Variants in CNTN3 observed in about 807,000 individuals in gnomAD.
The protein encoded by CNTN3 is contactin-3.
In CNTN3, 60 loss-of-function variants were observed where a neutral mutation model predicts 119.1. The observed-to-expected ratio is 0.50, with a 90% CI of 0.41 to 0.62. The LOEUF (loss-of-function observed/expected upper bound fraction) is 0.62. Among genes scored for constraint, CNTN3 ranks in the 20% least tolerant of loss-of-function variants. The pLI, the probability that CNTN3 is intolerant of heterozygous loss-of-function variation, is 0.00. For synonymous variants in CNTN3, 450 were observed against 438.7 expected, an observed-to-expected ratio of 1.03 and a Z score of -0.32; for missense variants, 1,101 against 1,242.4, an observed-to-expected ratio of 0.89 and a Z score of 1.71.
intron 20 of CNTN3, among the ~76,000 whole-genome samples, chr3:74,268,240 G>A (rs1250051403): frequency 1.3e-5 from 2 of 152,062 alleles, no homozygotes; most frequent in Non-Finnish European, 2.9e-5. Context: ...GATAGTATTT[G>A]TCAATAGCAA....
At chr3:74,296,668 T>C (rs1702343706) in intron 18 of CNTN3, among the ~76,000 whole-genome samples, 1 of 152,228 alleles carries the variant, frequency 6.6e-6, no homozygotes, top group Non-Finnish European at 1.5e-5. Context: ...CTCAGAATGG[T>C]TAAGGGCAAA....
chr3:74,338,503 T>A (rs1703454987), intron 11 of CNTN3, among the ~76,000 whole-genome samples: 1 of 151,228 alleles, frequency 6.6e-6, no homozygotes, highest in Non-Finnish European at 1.5e-5. Flanking sequence ...TGCGTGTGTG[T>A]GTGTATACAC....
chr3:74,563,695 T>C (rs1021423930), intron 1 of CNTN3, among the ~76,000 whole-genome samples: 4 of 152,140 alleles, frequency 2.6e-5, no homozygotes, highest in Admixed American at 6.6e-5. Flanking sequence ...GGGAAGCTTA[T>C]GGCACAAAGA....
Position 74,539,114 on chromosome 3 carries a change from T to C in CNTN3, c.-80-17922A>G, listed in dbSNP as rs114185412. ...GCTAAGATATTTTCTTTCCACCCTA[T>C]GGTCTCCCACAGACCTGGATCTGAT... On this transcript the variant is annotated intron_variant, in intron 1 of 22. Transcript: ENST00000263665. Among the ~76,000 whole-genome samples, 652 of 152,212 alleles carry C rather than the reference T, an allele frequency of 4.3e-3. 6 individuals are homozygous for C. Among genetic ancestry groups the C allele is most frequent in the African/African-American group, 0.015 (621 of 41,544 alleles).
In CNTN3 at chr3:74,489,377, G is replaced by A. The variant is rs143893791; in HGVS notation, c.183-2746C>T. On this transcript the variant is annotated intron_variant, in intron 3 of 22. Coordinates refer to ENST00000263665, the MANE Select transcript of CNTN3 (RefSeq NM_020872.3). ...TTAGCCTATTTCATATTCAACAACCGATTAGAAAGCCCTTCCCTCCCTCCT... is the reference window on the plus strand; with the variant it reads ...TTAGCCTATTTCATATTCAACAACCAATTAGAAAGCCCTTCCCTCCCTCCT... Among the ~76,000 whole-genome samples the A allele has an allele frequency of 3.6e-3, 546 of 151,904 alleles. 3 individuals carry two copies. The highest frequency in any genetic ancestry group is 0.013 in the African/African-American group (528 of 41,428).
intron 13 of CNTN3, among the ~76,000 whole-genome samples, chr3:74,317,401 G>A (rs1273661965): frequency 6.6e-6 from 1 of 152,120 alleles, no homozygotes; most frequent in African/African-American, 2.4e-5. Context: ...TGGTTATTTT[G>A]CTCGTTAGTT....
chr3:74,371,435 C>A, intron 5 of CNTN3, 36 bp from the exon 6 acceptor site: 1 of 1,483,344 alleles, frequency 6.7e-7, no homozygotes, highest in Non-Finnish European at 9.4e-7. Context: ...GAAATTCCAT[C>A]ATTAAGGACA....
chr3:74,289,517 T>G (rs1292336803), intron 19 of CNTN3, among the ~76,000 whole-genome samples: 1 of 152,214 alleles, frequency 6.6e-6, no homozygotes, highest in Non-Finnish European at 1.5e-5. Context: ...ACTGGGATTG[T>G]GCTACATCAC....
intron 20 of CNTN3, among the ~76,000 whole-genome samples, chr3:74,276,497 C>T (rs563177446): frequency 1.3e-5 from 2 of 152,120 alleles, no homozygotes; most frequent in East Asian, 3.9e-4. Flanking sequence ...CCTTTAAAAC[C>T]ATGCAAATAC....
chr3:74,360,411 A>T (rs1704050070), intron 11 of CNTN3, among the ~76,000 whole-genome samples: 1 of 152,174 alleles, frequency 6.6e-6, no homozygotes, highest in Admixed American at 6.5e-5. Flanking sequence ...AATGGCTCCC[A>T]ATCCTGGCTA....
At chr3:74,375,161 C>A (rs139962240) in intron 5 of CNTN3, among the ~76,000 whole-genome samples, 1 of 152,020 alleles carries the variant, frequency 6.6e-6, no homozygotes, top group Non-Finnish European at 1.5e-5. Context: ...CAAACACAAC[C>A]CCAGAAAATC....
intron 17 of CNTN3, among the ~76,000 whole-genome samples, chr3:74,298,575 T>A (rs1281969524): frequency 6.7e-6 from 1 of 149,594 alleles, no homozygotes; most frequent in Non-Finnish European, 1.5e-5. Context: ...ATTAAAATGG[T>A]GATTAAGAAC....
intron 5 of CNTN3, among the ~76,000 whole-genome samples, chr3:74,387,817 GAT>G (rs1704792375): frequency 6.6e-6 from 1 of 152,172 alleles, no homozygotes; most frequent in Non-Finnish European, 1.5e-5. Flanking sequence ...GTGGTATCCA[GAT>G]ATTAATTGAA....
At chr3:74,461,640 A>T (rs1702369589) in intron 4 of CNTN3, among the ~76,000 whole-genome samples, 1 of 152,090 alleles carries the variant, frequency 6.6e-6, no homozygotes, top group African/African-American at 2.4e-5. Context: ...CATTAGTAAA[A>T]TCTGCAATTT....
intron 11 of CNTN3, among the ~76,000 whole-genome samples, chr3:74,347,710 T>C (rs1703726661): frequency 6.6e-6 from 1 of 152,242 alleles, no homozygotes; most frequent in African/African-American, 2.4e-5. Context: ...GCCTTACACA[T>C]GGCAGAGCAC....
At chr3:74,305,343 T>C (rs75694380) in intron 13 of CNTN3, among the ~76,000 whole-genome samples, 1,871 of 151,784 alleles carry the variant, frequency 0.012, 33 homozygotes, top group African/African-American at 0.043. Context: ...GACAATTGTT[T>C]AGAAGCATCT....
intron 1 of CNTN3, among the ~76,000 whole-genome samples, chr3:74,546,683 C>T (rs1243877937): frequency 6.6e-6 from 1 of 152,166 alleles, no homozygotes; most frequent in Non-Finnish European, 1.5e-5. Flanking sequence ...CAGACTGAAG[C>T]CTGCACTGTC....
intron 17 of CNTN3, among the ~76,000 whole-genome samples, chr3:74,299,231 G>A (rs528464896): frequency 6.6e-6 from 1 of 152,022 alleles, no homozygotes; most frequent in South Asian, 2.1e-4. Flanking sequence ...AAATATTAAC[G>A]AATTAAACTC....
intron 5 of CNTN3, among the ~76,000 whole-genome samples, chr3:74,403,689 A>C (rs977754855): frequency 1.3e-5 from 2 of 152,158 alleles, no homozygotes; most frequent in Admixed American, 1.3e-4. Flanking sequence ...TTAAAATATT[A>C]TAAGAAATAG....
Sources: gnomAD v4.1 joint callset for allele counts (sites outside exome capture counted in the v4.1 genomes callset) on GRCh38, gnomAD v4.1.1 for gene constraint, MANE v1.5 for transcripts, NCBI Gene and HGNC (gene_info 2026-07-23, HGNC 2026-07-21) for gene names.